SLC25A21: variants seen among roughly 807,000 people sequenced by gnomAD.
SLC25A21 encodes mitochondrial 2-oxodicarboxylate carrier.
In SLC25A21, 47 loss-of-function variants were observed where a neutral mutation model predicts 43.8. The ratio of observed to expected loss-of-function variants is 1.07; its 90% CI spans 0.85 to 1.37. SLC25A21 has a LOEUF of 1.37. SLC25A21 is among the 40% of genes most tolerant of loss of function. The pLI is 0.00. For missense variants in SLC25A21, 352 were observed against 350.2 expected, an observed-to-expected ratio of 1.00 and a Z score of -0.04; for synonymous variants, 131 against 121.3, an observed-to-expected ratio of 1.08 and a Z score of -0.52.
At chr14:37,008,365 T>A (rs1960655727) in intron 1 of SLC25A21, among the ~76,000 whole-genome samples, 1 of 152,280 alleles carries the variant, frequency 6.6e-6, no homozygotes, top group East Asian at 1.9e-4. Context: ...CAGATTTGTA[T>A]GAAAAATGTA....
At chr14:37,002,557 C>T (rs182379069) in intron 1 of SLC25A21, among the ~76,000 whole-genome samples, 38 of 152,244 alleles carry the variant, frequency 2.5e-4, no homozygotes, top group African/African-American at 8.7e-4. Flanking sequence ...GCAAGTGAGT[C>T]AATTCCTCTG....
chr14:37,054,478 G>T (rs1263651724), intron 1 of SLC25A21, among the ~76,000 whole-genome samples: 1 of 152,152 alleles, frequency 6.6e-6, no homozygotes, highest in Non-Finnish European at 1.5e-5. Context: ...ACAAATTTTT[G>T]TATCTGGAAA....
intron 2 of SLC25A21, among the ~76,000 whole-genome samples, chr14:36,829,913 T>A (rs990932584): frequency 4.0e-5 from 6 of 150,308 alleles, no homozygotes; most frequent in African/African-American, 1.5e-4. Context: ...AGATGACTGA[T>A]GTTGTCTGCT....
chr14:36,827,053 T>G (rs1427213837), intron 2 of SLC25A21, among the ~76,000 whole-genome samples: 1 of 152,194 alleles, frequency 6.6e-6, no homozygotes, highest in Non-Finnish European at 1.5e-5. Flanking sequence ...GATTCCCTCT[T>G]CCTTTTGTTC....
chr14:36,975,966 CGCTT>C (rs1959861644), intron 1 of SLC25A21, among the ~76,000 whole-genome samples: 2 of 152,272 alleles, frequency 1.3e-5, no homozygotes, highest in South Asian at 4.1e-4. Flanking sequence ...CTCAGGCAGT[CGCTT>C]GCCAGGCAGT....
chr14:36,707,598 T>C (rs907108423), intron 7 of SLC25A21, among the ~76,000 whole-genome samples: 4 of 152,164 alleles, frequency 2.6e-5, no homozygotes, highest in Non-Finnish European at 5.9e-5. Context: ...GCATGGGAAG[T>C]GCTATCTAAT....
chr14:36,745,933 C>T (rs1885478133), intron 3 of SLC25A21, among the ~76,000 whole-genome samples: 1 of 151,902 alleles, frequency 6.6e-6, no homozygotes, highest in Non-Finnish European at 1.5e-5. Flanking sequence ...GTTAGAATGC[C>T]TATTAAAAAG....
intron 3 of SLC25A21, among the ~76,000 whole-genome samples, chr14:36,797,271 A>G (rs1045754189): frequency 3.3e-5 from 5 of 152,202 alleles, no homozygotes; most frequent in African/African-American, 1.2e-4. Context: ...ATTCATAGAA[A>G]GATCAGATTT....
intron 1 of SLC25A21, among the ~76,000 whole-genome samples, chr14:37,135,009 C>A (rs1320416455): frequency 6.6e-6 from 1 of 151,684 alleles, no homozygotes; most frequent in Non-Finnish European, 1.5e-5. Flanking sequence ...CTCACTGCAG[C>A]CTCCACCTCA....
chr14:37,077,745 CA>C (rs1295421532), intron 1 of SLC25A21, among the ~76,000 whole-genome samples: 2 of 152,050 alleles, frequency 1.3e-5, no homozygotes, highest in African/African-American at 4.8e-5. Context: ...TGTCGAAATT[CA>C]CATGAGAATA....
At chr14:37,011,263 T>G (rs1464939205) in intron 1 of SLC25A21, among the ~76,000 whole-genome samples, 1 of 152,072 alleles carries the variant, frequency 6.6e-6, no homozygotes, top group Non-Finnish European at 1.5e-5. Flanking sequence ...CCTCAAGAGA[T>G]CCTCCCAAAG....
intron 1 of SLC25A21, among the ~76,000 whole-genome samples, chr14:37,010,425 A>G (rs1038403735): frequency 6.6e-6 from 1 of 152,232 alleles, no homozygotes; most frequent in Non-Finnish European, 1.5e-5. Context: ...TTCTTCCTCA[A>G]GAGGCTTACA....
chr14:36,947,109 A>G (rs1054543600), intron 1 of SLC25A21, among the ~76,000 whole-genome samples: 1 of 152,202 alleles, frequency 6.6e-6, no homozygotes, highest in South Asian at 2.1e-4. Context: ...GAAACAGCCC[A>G]TAAGTGATAA....
At chr14:36,956,078 C>A (rs1437921420) in intron 1 of SLC25A21, among the ~76,000 whole-genome samples, 2 of 152,038 alleles carry the variant, frequency 1.3e-5, no homozygotes, top group Non-Finnish European at 2.9e-5. Context: ...CAGAGATACC[C>A]CCCACTATAT....
At chr14:36,704,163 C>T (rs1472533490) in intron 7 of SLC25A21, among the ~76,000 whole-genome samples, 1 of 152,118 alleles carries the variant, frequency 6.6e-6, no homozygotes, top group Non-Finnish European at 1.5e-5. Context: ...CTGGTAATGA[C>T]CCATTCTTCC....
chr14:37,009,660 C>T (rs557503221), intron 1 of SLC25A21, among the ~76,000 whole-genome samples: 1 of 152,294 alleles, frequency 6.6e-6, no homozygotes, highest in South Asian at 2.1e-4. Flanking sequence ...AGAAAATCCT[C>T]TGACTTATTT....
chr14:36,680,162 T>A lies in SLC25A21; in HGVS notation c.*496A>T. On this transcript the variant is annotated 3_prime_UTR_variant, in exon 10 of 10. Transcript: ENST00000331299. ...TTTAGTGCACTTTAAAAAATTTTTC[T>A]TGTGCTCTTTAAATATTATTTATGG... 1 of 841,210 alleles carries A rather than the reference T, an allele frequency of 1.2e-6. No homozygotes were observed. The highest frequency in any genetic ancestry group is 1.4e-6 in the Non-Finnish European group (1 of 699,282). The allele number at this position is 841,210 out of a possible 1,614,324, so 52.1% of individuals were successfully genotyped here. A position where few individuals can be genotyped will look rare whatever the true frequency, so the allele number is the denominator to read the frequency against.
At chr14:36,694,486 A>C (rs1278937711) in intron 7 of SLC25A21, among the ~76,000 whole-genome samples, 1 of 152,218 alleles carries the variant, frequency 6.6e-6, no homozygotes, top group Non-Finnish European at 1.5e-5. Context: ...AGGAATCGCC[A>C]CTGTCTTCCA....
chr14:37,171,666 A>T (rs1964131801), intron 1 of SLC25A21, among the ~76,000 whole-genome samples: 1 of 152,066 alleles, frequency 6.6e-6, no homozygotes, highest in African/African-American at 2.4e-5. Flanking sequence ...TAATTACAAC[A>T]TTTTTTTCTA....
Sources: gnomAD v4.1 joint callset for allele counts (sites outside exome capture counted in the v4.1 genomes callset) on GRCh38, gnomAD v4.1.1 for gene constraint, MANE v1.5 for transcripts, NCBI Gene and HGNC (gene_info 2026-07-23, HGNC 2026-07-21) for gene names.